Variants in TENM1 observed in about 807,000 individuals in gnomAD.
TENM1 encodes teneurin-1.
Under a neutral mutation model 174.8 loss-of-function variants are expected in TENM1, and 35 were observed. The ratio of observed to expected loss-of-function variants is 0.20; its 90% CI spans 0.15 to 0.27. TENM1 has a LOEUF of 0.27. TENM1 is among the 10% of genes least tolerant of loss of function. The probability of loss-of-function intolerance (pLI) is 1.00; values close to 1 mark genes in which losing one functional copy is unlikely to be tolerated. For missense variants in TENM1, 1,633 were observed against 2,130.1 expected (o/e 0.77, Z 4.59); for synonymous variants, 781 against 798.7 (o/e 0.98, Z 0.37).
chrX:124,486,274 C>T (rs2046952197), intron 21 of TENM1, among the ~76,000 whole-genome samples: 1 of 112,304 alleles, frequency 8.9e-6, no homozygotes, highest in Admixed American at 9.4e-5. Flanking sequence ...GTTTTACATT[C>T]AAGCAATGCT....
chrX:124,844,889 C>A (rs993086153), intron 3 of TENM1, among the ~76,000 whole-genome samples: 4 of 110,856 alleles, frequency 3.6e-5, no homozygotes, highest in Non-Finnish European at 7.6e-5. Context: ...GTCCATGGAC[C>A]ACCTACATCA....
At chrX:125,162,212 A>C in the TENM1 span, among the ~76,000 whole-genome samples, 2 of 112,082 alleles carry the variant, frequency 1.8e-5, no homozygotes, top group South Asian at 3.7e-4. Context: ...TTCATGGTGG[A>C]TAAGCATATG....
intron 5 of TENM1, among the ~76,000 whole-genome samples, chrX:124,699,294 T>C (rs1340166194): frequency 9.0e-6 from 1 of 110,840 alleles, no homozygotes; most frequent in African/African-American, 3.3e-5. Context: ...CATGCAAAAC[T>C]CCAAAATGAC....
At chrX:124,835,962 T>C (rs1049125970) in intron 3 of TENM1, among the ~76,000 whole-genome samples, 3 of 111,705 alleles carry the variant, frequency 2.7e-5, no homozygotes, top group East Asian at 2.8e-4. Flanking sequence ...GGGTGGGCTA[T>C]GGAAAGGCTC....
the TENM1 span, among the ~76,000 whole-genome samples, chrX:125,035,971 G>A: frequency 2.7e-5 from 3 of 110,778 alleles, no homozygotes; most frequent in African/African-American, 9.8e-5. Flanking sequence ...TATCTCTCAG[G>A]CTACTCTGGA....
In TENM1 at chrX:124,530,133, G is replaced by C. The variant is rs929977933; in HGVS notation, c.2652-150C>G. ...AAAACTACTAATAACATTCTGGGGA[G>C]GAGTTTTTTTTTTTCCCCATCAAAA... On this transcript the variant is annotated intron_variant, in intron 15 of 31. Transcript: ENST00000422452. 5.2e-6 allele frequency: 3 copies of C among 573,699 alleles called. No individual in the cohort carries two copies. The Admixed American group carries it at 1.5e-4, about 29-fold the overall frequency. 47.3% of individuals were successfully genotyped at this position (573,699 alleles called of 1,213,427 possible).
At chrX:124,448,841 C>T (rs924696324) in intron 23 of TENM1, among the ~76,000 whole-genome samples, 3 of 111,788 alleles carry the variant, frequency 2.7e-5, no homozygotes, top group African/African-American at 9.7e-5. Context: ...GGACTAGAAC[C>T]ATCAAGGAAG....
intron 4 of TENM1, among the ~76,000 whole-genome samples, chrX:124,709,829 T>G (rs1373531033): frequency 3.6e-5 from 4 of 111,083 alleles, no homozygotes; most frequent in Non-Finnish European, 7.5e-5. Context: ...TCAAATGTTC[T>G]TCTAGTAAAT....
At chrX:124,407,382 T>C (rs2060475340) in intron 25 of TENM1, among the ~76,000 whole-genome samples, 1 of 112,202 alleles carries the variant, frequency 8.9e-6, no homozygotes, top group Non-Finnish European at 1.9e-5. Flanking sequence ...TGGAAACCCA[T>C]TACTGTTTTC....
chrX:124,975,591 C>T, the TENM1 span, among the ~76,000 whole-genome samples: 1 of 111,867 alleles, frequency 8.9e-6, no homozygotes, highest in South Asian at 3.7e-4. Flanking sequence ...AACACTGTAT[C>T]TGTAACCTCC....
At chrX:124,544,039 G>A (rs978095697) in intron 15 of TENM1, among the ~76,000 whole-genome samples, 2 of 112,868 alleles carry the variant, frequency 1.8e-5, no homozygotes, top group Non-Finnish European at 3.7e-5. Context: ...TGTGTGGGTC[G>A]CATTTTGCCG....
At chrX:124,383,520 C>T (rs760337014) in intron 30 of TENM1, 114 bp downstream of exon 33, 80 of 689,300 alleles carry the variant, frequency 1.2e-4, no homozygotes, top group African/African-American at 8.9e-4. Context: ...CAATAACTTG[C>T]GGGCTAACTG....
chrX:124,962,331 T>C (rs1028993022), intron 1 of TENM1, among the ~76,000 whole-genome samples: 6 of 111,471 alleles, frequency 5.4e-5, no homozygotes, highest in Non-Finnish European at 1.1e-4. Context: ...CAGAATCCCC[T>C]GGGGATTTGT....
At chrX:125,066,867 T>C in the TENM1 span, among the ~76,000 whole-genome samples, 128 of 111,593 alleles carry the variant, frequency 1.1e-3, no homozygotes, top group African/African-American at 3.7e-3. Flanking sequence ...GTTTGTTGTT[T>C]GGTTGGTTTA....
At chrX:124,702,060 A>T (rs1030465909) in intron 5 of TENM1, among the ~76,000 whole-genome samples, 3 of 112,138 alleles carry the variant, frequency 2.7e-5, no homozygotes, top group Non-Finnish European at 5.6e-5. Flanking sequence ...TCAGTGAAAG[A>T]TTTTACTTGG....
chrX:124,835,893 T>G lies in TENM1; in HGVS notation c.535+58403A>C, dbSNP rs188658017. On this transcript the variant is annotated intron_variant, in intron 3 of 31. Coordinates refer to ENST00000422452, the Ensembl canonical transcript of TENM1. ...CAAGGACATAGGGAAGAGGTGTAGC[T>G]GTTTCAGGCCCAATAGGAATGCTTT... Among the ~76,000 whole-genome samples the G allele has an allele frequency of 3.4e-3, 377 of 112,069 alleles. 5 individuals are homozygous for G. The highest frequency in any genetic ancestry group is 3.7e-3 in the Non-Finnish European group (199 of 53,209).
the TENM1 span, among the ~76,000 whole-genome samples, chrX:125,035,467 AT>A: frequency 2.7e-5 from 3 of 111,626 alleles, no homozygotes; most frequent in South Asian, 1.1e-3. Context: ...TGACACCTAA[AT>A]TTGGATCTTT....
intron 15 of TENM1, among the ~76,000 whole-genome samples, chrX:124,542,221 A>G (rs1315186648): frequency 8.9e-6 from 1 of 112,493 alleles, no homozygotes; most frequent in Non-Finnish European, 1.9e-5. Context: ...GTTTTAATCC[A>G]TTACTTGGAA....
intron 5 of TENM1, among the ~76,000 whole-genome samples, chrX:124,687,582 G>A (rs2052398933): frequency 1.8e-5 from 2 of 112,163 alleles, no homozygotes; most frequent in South Asian, 3.7e-4. Context: ...TGACAAATGG[G>A]ATCTAATTAA....
Sources: allele counts gnomAD v4.1 joint callset (sites outside exome capture counted in the v4.1 genomes callset), GRCh38; gene constraint gnomAD v4.1.1; transcripts MANE v1.5; gene names NCBI Gene and HGNC (gene_info 2026-07-23, HGNC 2026-07-21).